The following PRKDC variants were observed in gnomAD, a reference collection of about 807,000 sequenced individuals.
PRKDC encodes the protein protein kinase, DNA-activated, catalytic subunit.
PRKDC carries 82 observed loss-of-function variants against 486.9 expected under a neutral mutation model. The ratio of observed to expected loss-of-function variants is 0.17; its 90% CI spans 0.14 to 0.20. PRKDC has a LOEUF of 0.20. Among genes scored for constraint, PRKDC ranks in the 10% least tolerant of loss-of-function variants. The pLI is 1.00. For synonymous variants in PRKDC, 1,895 were observed against 1,837.0 expected (o/e 1.03, Z -0.81); for missense variants, 4,504 against 5,038.2 (o/e 0.89, Z 3.21).
intron 21 of PRKDC, among the ~76,000 whole-genome samples, chr8:47,921,664 G>A (rs1238000199): frequency 2.6e-5 from 4 of 152,138 alleles, no homozygotes; most frequent in Non-Finnish European, 5.9e-5. Context: ...TGGTGTGTAA[G>A]GCAATTCTCA....
Position 47,778,477 on chromosome 8 carries a change from C to T in PRKDC, c.11835G>A (p.Ala3945=), listed in dbSNP as rs375610707. The T allele has an allele frequency of 1.4e-5, 23 of 1,612,816 alleles. No individual in the cohort carries two copies. In the African/African-American group the frequency reaches 1.5e-4, roughly 10 times the overall value. ...GGVIGIDFGH[A]FGSATQFLPV... is the part of the protein sequence containing the mutation. ...AGTGCACCTGTGTAGCGGATCCAAA[C>T]GCATGCCCAAAGTCGATCCCGATCA... Residue 3945 remains alanine, a synonymous_variant, in exon 83 of 86, where the codon GCG becomes GCA. Transcript: ENST00000314191.
chr8:47,937,930 C>T (rs983482795), intron 11 of PRKDC, among the ~76,000 whole-genome samples: 3 of 151,984 alleles, frequency 2.0e-5, no homozygotes, highest in Non-Finnish European at 2.9e-5. Context: ...GTCTGTGTAA[C>T]GAAGTGAGAT....
intron 11 of PRKDC, 127 bp downstream of exon 11, chr8:47,939,424 G>T: frequency 9.4e-7 from 1 of 1,058,602 alleles, no homozygotes; most frequent in Non-Finnish European, 1.4e-6. Context: ...TGCAGTTCAC[G>T]CCCATGTTAT....
In PRKDC at chr8:47,837,204, C is replaced by A; in HGVS notation, c.7761+8G>T. ...TATTCACTACTATGAGAGAGAAGACCACATTACCTGAAATTCGCATTCTGA... is the reference window on the plus strand; with the variant it reads ...TATTCACTACTATGAGAGAGAAGACAACATTACCTGAAATTCGCATTCTGA... On this transcript the variant is annotated splice_region_variant and intron_variant, in intron 57 of 85. Coordinates refer to ENST00000314191, the MANE Select transcript of PRKDC (RefSeq NM_006904.7). The A allele has an allele frequency of 6.2e-7, 1 of 1,607,036 alleles. No homozygotes were observed. The highest frequency in any genetic ancestry group is 1.1e-5 in the South Asian group (1 of 90,552).
intron 54 of PRKDC, among the ~76,000 whole-genome samples, chr8:47,848,144 C>A (rs1025250060): frequency 9.2e-5 from 14 of 152,106 alleles, no homozygotes; most frequent in African/African-American, 3.1e-4. Context: ...TGGGTATATA[C>A]GCAAAGGAAA....
intron 30 of PRKDC, among the ~76,000 whole-genome samples, chr8:47,894,196 G>A (rs1321620337): frequency 6.6e-6 from 1 of 152,014 alleles, no homozygotes; most frequent in Non-Finnish European, 1.5e-5. Flanking sequence ...CAGGAGAATC[G>A]CTTAAACGAG....
At position 47,782,389 on chromosome 8, in the gene PRKDC, G is replaced by A. The variant is rs770274902; in HGVS notation, c.11385C>T (p.Pro3795=). 1 of 1,605,124 alleles carries A rather than the reference G, an allele frequency of 6.2e-7. No individual in the cohort carries two copies. Among genetic ancestry groups the A allele is most frequent in the South Asian group, 1.1e-5 (1 of 89,922 alleles). ...ALQLRTYSVV[P]MTSRLGLIEW... is the part of the protein sequence containing the mutation. ...AGCCTGGCAGTTACCTGGAGGTCAT[G>A]GGCACAACGCTATAGGTCCTCAGCT... The change falls in exon 79 of 86, where the codon CCC becomes CCT. Residue 3795 remains proline (P), a synonymous_variant. Coordinates refer to ENST00000314191, the MANE Select transcript of PRKDC (RefSeq NM_006904.7). This position sits in a 1 kb window ranked among gnomAD's most constrained non-coding sequence, Gnocchi z 4.9.
intron 16 of PRKDC, among the ~76,000 whole-genome samples, chr8:47,931,578 T>C (rs755295380): frequency 2.6e-5 from 4 of 152,080 alleles, no homozygotes; most frequent in Non-Finnish European, 4.4e-5. Flanking sequence ...TTGCTACCTA[T>C]CATCCCGCAT....
rs536284158 is a variant in PRKDC at position 47,777,212 on chromosome 8, AT to A, written c.12043-230del. On this transcript the variant is annotated intron_variant, in intron 84 of 85. Coordinates refer to ENST00000314191, the MANE Select transcript of PRKDC (RefSeq NM_006904.7). ...CTCCAAATAAAGGTTTTGCCTGTTA[AT>A]TTTTTTTTTTTTGAGGCGGAGTTTC... Among the ~76,000 whole-genome samples, 6,289 of 146,490 alleles carry A rather than the reference AT, an allele frequency of 0.043. 145 individuals carry two copies. Among genetic ancestry groups the A allele is most frequent in the Middle Eastern group, 0.073 (21 of 288 alleles).
chr8:47,903,321 C>A (rs1207201190), intron 26 of PRKDC, among the ~76,000 whole-genome samples: 1 of 152,226 alleles, frequency 6.6e-6, no homozygotes, highest in Non-Finnish European at 1.5e-5. Flanking sequence ...TGACCAACGA[C>A]CACACAGAGA....
At chr8:47,869,453 G>A (rs1163907445) in intron 40 of PRKDC, among the ~76,000 whole-genome samples, 2 of 151,382 alleles carry the variant, frequency 1.3e-5, no homozygotes, top group East Asian at 2.0e-4. Flanking sequence ...GAAGGGAAGG[G>A]CTCAGTCTGA....
chr8:47,893,285 C>T lies in PRKDC; in HGVS notation c.3701G>A (p.Gly1234Asp). 4 of 1,610,480 alleles carry T rather than the reference C, an allele frequency of 2.5e-6. No homozygotes were observed. The highest frequency in any genetic ancestry group is 3.4e-6 in the Non-Finnish European group (4 of 1,177,794). Residue 1234 changes from glycine (G) to aspartate (D), a missense_variant, in exon 31 of 86, where the codon GGC (glycine) becomes GAC (aspartate). Around this residue, in one of 6 missense-constraint regions of PRKDC, gnomAD observed 1,969 missense variants for 2,068.9 expected, o/e 0.95. Coordinates refer to ENST00000314191, the MANE Select transcript of PRKDC (RefSeq NM_006904.7). ...FEGGGCGQPSGILAQPTLLYL... is the reference protein window; with the variant it reads ...FEGGGCGQPSDILAQPTLLYL... ...CAAGAGGGTGGGCTGGGCCAGGATG[C>T]CCGAGGGCTGGCCACAGCCACCCCC...
chr8:47,791,705 G>C (rs955554205), intron 74 of PRKDC, among the ~76,000 whole-genome samples: 4 of 152,058 alleles, frequency 2.6e-5, no homozygotes, highest in Non-Finnish European at 5.9e-5. Flanking sequence ...CAGCAATAAC[G>C]AATGCTGGTA....
rs373103011 is a variant in PRKDC, at chr8:47,854,041, T to G, written c.6893+42A>C. The stretch of plus-strand genomic sequence containing the variant: ...CCATACTGAAGTCTGTCAATCCAGT[T>G]TGGGTAGACGTGACCTAAAAAATAA... On this transcript the variant is annotated intron_variant, in intron 51 of 85. Coordinates refer to ENST00000314191, the MANE Select transcript of PRKDC (RefSeq NM_006904.7). 1.7e-5 allele frequency: 27 copies of G among 1,606,888 alleles called. No homozygotes were observed. In the African/African-American group the frequency reaches 3.2e-4, roughly 19 times the overall value.
intron 68 of PRKDC, among the ~76,000 whole-genome samples, chr8:47,811,394 C>T (rs1365004247): frequency 1.3e-5 from 2 of 152,118 alleles, no homozygotes; most frequent in Non-Finnish European, 2.9e-5. Flanking sequence ...AGTAGACCTG[C>T]ATTACAAGAA....
At position 47,890,453 on chromosome 8, in the gene PRKDC, T is replaced by C; in HGVS notation, c.3875A>G (p.Lys1292Arg). Residue 1292 changes from lysine (K) to arginine (R), a missense_variant, in exon 32 of 86, where the codon AAA becomes AGA. Around this residue, in one of 6 missense-constraint regions of PRKDC, gnomAD observed 1,969 missense variants for 2,068.9 expected, o/e 0.95. Coordinates refer to ENST00000314191, the MANE Select transcript of PRKDC (RefSeq NM_006904.7). ...GCTTTCTAAGAAGAAAGCCACTGCT[T>C]TCAAAAGTGAAGACTGGGCTTCAGT... ...LGTEAQSSLL[K>R]AVAFFLESIA... The C allele has an allele frequency of 6.4e-7, 1 of 1,569,754 alleles. No homozygotes were observed. Among genetic ancestry groups the C allele is most frequent in the Non-Finnish European group, 8.6e-7 (1 of 1,156,166 alleles).
chr8:47,919,163 C>T (rs543973160), intron 21 of PRKDC, among the ~76,000 whole-genome samples: 171 of 152,272 alleles, frequency 1.1e-3, no homozygotes, highest in Middle Eastern at 3.4e-3. Flanking sequence ...AGCACCACTC[C>T]GAGTTCAGCA....
At position 47,912,562 on chromosome 8, in the gene PRKDC, C is replaced by T; in HGVS notation, c.2782G>A (p.Val928Ile). The T allele has an allele frequency of 6.3e-7, 1 of 1,596,764 alleles. No homozygotes were observed. Among genetic ancestry groups the T allele is most frequent in the African/African-American group, 1.3e-5 (1 of 74,472 alleles). ...CTATGTAAAAGTTCACAGGCTGCAA[C>T]CTAAAACAGACCAGGAGGTCAGCAA... is the stretch of plus-strand genomic sequence containing the variant. Reference protein sequence around the residue: ...ALTASDRQTKVAACELLHSMV... With the variant: ...ALTASDRQTKIAACELLHSMV... Residue 928 changes from valine (V) to isoleucine (I), a missense_variant and splice_region_variant, in exon 25 of 86, where the codon GTT becomes ATT. Transcript: ENST00000314191.
At chr8:47,855,463 G>T in intron 49 of PRKDC, 90 bp from the exon 50 acceptor site, 1 of 1,328,150 alleles carries the variant, frequency 7.5e-7, no homozygotes, top group Admixed American at 2.7e-5. Flanking sequence ...AAGAAATCTG[G>T]CATTTTACAG....
Sources: gnomAD v4.1 joint callset for allele counts (sites outside exome capture counted in the v4.1 genomes callset) on GRCh38, gnomAD v4.1.1 for gene constraint, gnomAD v4.1.1 regional missense constraint, Gnocchi (gnomAD v3.1) non-coding constraint, MANE v1.5 for transcripts, NCBI Gene and HGNC (gene_info 2026-07-23, HGNC 2026-07-21) for gene names.